Variants in FKTN observed in about 807,000 individuals in gnomAD.
FKTN encodes fukutin.
FKTN carries 47 observed loss-of-function variants against 58.6 expected under a neutral mutation model. The ratio of observed to expected loss-of-function variants is 0.80; its 90% CI spans 0.63 to 1.02. The LOEUF (loss-of-function observed/expected upper bound fraction) is 1.02, where lower values mean the gene tolerates loss of function less well. Among genes scored for constraint, FKTN ranks in the 50% least tolerant of loss-of-function variants. The pLI is 0.00. For missense variants in FKTN, 516 were observed against 537.3 expected (o/e 0.96, Z 0.39); for synonymous variants, 178 against 191.9 (o/e 0.93, Z 0.60).
chr9:105,573,152 T>C (rs1434733514), intron 1 of FKTN, among the ~76,000 whole-genome samples: 1 of 152,076 alleles, frequency 6.6e-6, no homozygotes, highest in African/African-American at 2.4e-5. Flanking sequence ...GGAGAATTGC[T>C]TGAACCCAGG....
chr9:105,603,915 G>A, intron 5 of FKTN: 1 of 375,822 alleles, frequency 2.7e-6, no homozygotes, highest in Non-Finnish European at 5.1e-6. Context: ...TGATCCACCT[G>A]CCTCAGCCTC....
At chr9:105,628,291 CTTAA>C (rs1374107059) in intron 10 of FKTN, among the ~76,000 whole-genome samples, 1 of 152,086 alleles carries the variant, frequency 6.6e-6, no homozygotes, top group Non-Finnish European at 1.5e-5. Context: ...CTTAGGTCTC[CTTAA>C]TTATACCTCC....
chr9:105,616,297 C>T (rs1219264161), intron 8 of FKTN, among the ~76,000 whole-genome samples: 1 of 152,064 alleles, frequency 6.6e-6, no homozygotes, highest in Non-Finnish European at 1.5e-5. Context: ...ATAAAAAACC[C>T]TCTATTTCTT....
chr9:105,617,907 C>T (rs1831114874), intron 8 of FKTN, 52 bp from the exon 9 acceptor site: 1 of 1,132,506 alleles, frequency 8.8e-7, no homozygotes, highest in Admixed American at 2.0e-5. Flanking sequence ...GTTATAATAA[C>T]TAATTTTTTC....
intron 3 of FKTN, among the ~76,000 whole-genome samples, chr9:105,588,815 C>G (rs537473769): frequency 6.6e-6 from 1 of 152,344 alleles, no homozygotes; most frequent in African/African-American, 2.4e-5. Context: ...TTACCATACT[C>G]TGTTCTTGGG....
chr9:105,569,631 A>G (rs1330519709), intron 1 of FKTN, among the ~76,000 whole-genome samples: 1 of 152,142 alleles, frequency 6.6e-6, no homozygotes, highest in Non-Finnish European at 1.5e-5. Flanking sequence ...TTTCTTCTTC[A>G]TTGCCAGATC....
Position 105,617,985 on chromosome 9 carries a change from C to T in FKTN, c.937C>T (p.Pro313Ser). 1 of 1,590,320 alleles carries T rather than the reference C, an allele frequency of 6.3e-7. No homozygotes were observed. Among genetic ancestry groups the T allele is most frequent in the Non-Finnish European group, 8.6e-7 (1 of 1,158,630 alleles). ...ATGGTATCGACAATGCAACATTATT[C>T]CTTATAGCAAAGATGTTGACCTAGG... ...LGWYRQCNII[P>S]YSKDVDLGIF... Residue 313 changes from proline to serine, a missense_variant, in exon 9 of 11, where the codon CCT becomes TCT. Transcript: ENST00000357998.
rs1432949039 is a variant in FKTN at position 105,596,127 on chromosome 9, G to T, written c.106-471G>T. On this transcript the variant is annotated intron_variant, in intron 3 of 10. Transcript: ENST00000357998. Reference sequence around the variant, plus strand: ...ATAATGTTTACCTTGCAGGATTGTTGTGAGGGATCAATGAGTATACATAAT... The same window carrying T: ...ATAATGTTTACCTTGCAGGATTGTTTTGAGGGATCAATGAGTATACATAAT... 3.9e-5 allele frequency among the ~76,000 whole-genome samples: 6 copies of T among 152,178 alleles called. No individual in the cohort carries two copies. The East Asian group carries it at 1.2e-3, about 29-fold the overall frequency.
chr9:105,601,017 C>A, intron 4 of FKTN, 128 bp from the exon 5 acceptor site: 1 of 637,274 alleles, frequency 1.6e-6, no homozygotes, highest in South Asian at 1.9e-5. Context: ...TTTTTTAGCA[C>A]AATGATAAGC....
chr9:105,601,720 T>TG (rs750652186), intron 5 of FKTN, among the ~76,000 whole-genome samples: 8 of 152,162 alleles, frequency 5.3e-5, no homozygotes, highest in Non-Finnish European at 1.0e-4. Context: ...GCTTTTTTGC[T>TG]GGGGGAAACT....
At chr9:105,610,719 C>T (rs1588151927) in intron 7 of FKTN, among the ~76,000 whole-genome samples, 1 of 152,132 alleles carries the variant, frequency 6.6e-6, no homozygotes, top group Middle Eastern at 3.4e-3. Flanking sequence ...ACTGGACACT[C>T]TCCTACTCTC....
chr9:105,567,630 C>T (rs373141846), intron 1 of FKTN, among the ~76,000 whole-genome samples: 40 of 152,066 alleles, frequency 2.6e-4, no homozygotes, highest in African/African-American at 6.0e-4. Flanking sequence ...CACTGCTCAA[C>T]GAAATAAAAG....
At chr9:105,592,519 C>A (rs139582064) in intron 3 of FKTN, among the ~76,000 whole-genome samples, 2,598 of 152,226 alleles carry the variant, frequency 0.017, 30 homozygotes, top group Middle Eastern at 0.034. Context: ...TGCCTGTAAT[C>A]CTAGCTACTC....
At chr9:105,560,486 T>C (rs1838085508) in intron 1 of FKTN, among the ~76,000 whole-genome samples, 1 of 152,210 alleles carries the variant, frequency 6.6e-6, no homozygotes, top group African/African-American at 2.4e-5. Flanking sequence ...TAGGATAAAA[T>C]AATTTTACTT....
intron 4 of FKTN, among the ~76,000 whole-genome samples, chr9:105,599,496 G>A (rs1827458080): frequency 9.0e-6 from 1 of 111,320 alleles, no homozygotes; most frequent in Non-Finnish European, 1.8e-5. Flanking sequence ...TTTTTTTTGA[G>A]ATGAAGTCTC....
In FKTN at chr9:105,638,755, A is replaced by T; in HGVS notation, c.*3491A>T. 1.0e-6 allele frequency: 1 copy of T among 973,544 alleles called. No individual in the cohort carries two copies. The highest frequency in any genetic ancestry group is 1.2e-6 in the Non-Finnish European group (1 of 819,146). 60.3% of individuals were successfully genotyped at this position (973,544 alleles called of 1,614,324 possible). On this transcript the variant is annotated 3_prime_UTR_variant, in exon 11 of 11. Transcript: ENST00000357998. ...AGTTTTTAGTATTTAAACTACTTTT[A>T]ATTATTTATATTGATACTCTCTGAT...
chr9:105,563,720 C>T (rs1272236099), intron 1 of FKTN, among the ~76,000 whole-genome samples: 3 of 152,236 alleles, frequency 2.0e-5, no homozygotes, highest in Non-Finnish European at 4.4e-5. Flanking sequence ...GACTTCACCT[C>T]TGGGGGCAGG....
intron 7 of FKTN, 73 bp downstream of exon 7, chr9:105,608,024 A>G: frequency 1.6e-6 from 2 of 1,235,994 alleles, no homozygotes; most frequent in Non-Finnish European, 2.4e-6. Flanking sequence ...TGAGGGTGGT[A>G]AGATGAAGGG....
rs957892293 is a variant in FKTN, at chr9:105,563,605, G to T, written c.-181+5440G>T. On this transcript the variant is annotated intron_variant, in intron 1 of 10. Coordinates refer to ENST00000357998, the MANE Select transcript of FKTN (RefSeq NM_001079802.2). ...GCAACGTGGCAGCGAGGCTGGGGGGGGGGGCACCCGCCATTGCTGAGGCTT... is the reference window on the plus strand; with the variant it reads ...GCAACGTGGCAGCGAGGCTGGGGGGTGGGGCACCCGCCATTGCTGAGGCTT... 4.6e-5 allele frequency among the ~76,000 whole-genome samples: 7 copies of T among 152,074 alleles called. No homozygotes were observed. In the East Asian group the frequency reaches 5.8e-4, roughly 13 times the overall value.
Sources: allele counts gnomAD v4.1 joint callset (sites outside exome capture counted in the v4.1 genomes callset), GRCh38; gene constraint gnomAD v4.1.1; transcripts MANE v1.5; gene names NCBI Gene and HGNC (gene_info 2026-07-23, HGNC 2026-07-21).